Variants in RIMS1 observed in about 807,000 individuals in gnomAD.
The protein encoded by RIMS1 is regulating synaptic membrane exocytosis protein 1.
A neutral mutation model predicts 214.1 loss-of-function variants in RIMS1; 83 were observed. The ratio of observed to expected loss-of-function variants is 0.39; its 90% CI spans 0.32 to 0.47. The LOEUF is 0.47. RIMS1 is among the 20% of genes least tolerant of loss of function. The pLI is 0.99. For missense variants in RIMS1, 2,050 were observed against 2,161.8 expected (o/e 0.95, Z 1.03); for synonymous variants, 793 against 786.8 (o/e 1.01, Z -0.13).
At chr6:71,905,079 G>A (rs1774851633) in intron 1 of RIMS1, among the ~76,000 whole-genome samples, 1 of 152,054 alleles carries the variant, frequency 6.6e-6, no homozygotes, top group African/African-American at 2.4e-5. Flanking sequence ...TATGGTCTTT[G>A]GAAAATTCCC....
At chr6:72,380,263 G>A (rs893456587) in intron 29 of RIMS1, among the ~76,000 whole-genome samples, 5 of 152,150 alleles carry the variant, frequency 3.3e-5, no homozygotes, top group African/African-American at 1.2e-4. Flanking sequence ...GGAAGGATGG[G>A]GGAGGGATAG....
intron 29 of RIMS1, among the ~76,000 whole-genome samples, chr6:72,351,076 C>A (rs11757507): frequency 0.19 from 29,040 of 151,804 alleles, 3,410 homozygotes; most frequent in Middle Eastern, 0.27. Context: ...ATAAACATTT[C>A]ATATTTATAT....
intron 29 of RIMS1, among the ~76,000 whole-genome samples, chr6:72,358,842 C>T (rs1429563463): frequency 6.6e-6 from 1 of 152,112 alleles, no homozygotes; most frequent in Non-Finnish European, 1.5e-5. Flanking sequence ...CATCAGGCTC[C>T]AGCTAACTAC....
At chr6:72,125,266 T>C (rs903175619) in intron 4 of RIMS1, among the ~76,000 whole-genome samples, 1 of 152,204 alleles carries the variant, frequency 6.6e-6, no homozygotes, top group African/African-American at 2.4e-5. Context: ...TGGAGTTTGC[T>C]GGCAGTCCAT....
At chr6:72,295,397 G>A (rs2093959975) in intron 26 of RIMS1, among the ~76,000 whole-genome samples, 1 of 151,734 alleles carries the variant, frequency 6.6e-6, no homozygotes, top group African/African-American at 2.4e-5. Context: ...TGTGGAAAAT[G>A]TTACAGAATA....
chr6:72,242,078 T>C lies in RIMS1; in HGVS notation c.1958-236T>C, dbSNP rs559788701. Among the ~76,000 whole-genome samples the C allele has an allele frequency of 3.3e-5, 5 of 152,188 alleles. No individual in the cohort carries two copies. In the East Asian group the frequency reaches 9.7e-4, roughly 29 times the overall value. ...AGATAAAGGTAGTTTTGTATTGTAC[T>C]GTTTCCAGTCACCAGTAATATTCTG... On this transcript the variant is annotated intron_variant, in intron 9 of 33. Coordinates refer to ENST00000521978, the MANE Select transcript of RIMS1 (RefSeq NM_014989.7).
chr6:72,109,452 T>A (rs866580115), intron 4 of RIMS1, among the ~76,000 whole-genome samples: 1 of 152,124 alleles, frequency 6.6e-6, no homozygotes, highest in African/African-American at 2.4e-5. Flanking sequence ...TGATGGCCAG[T>A]GATGGTGGGC....
chr6:72,216,475 C>T, intron 6 of RIMS1: 1 of 985,444 alleles, frequency 1.0e-6, no homozygotes, highest in Non-Finnish European at 1.2e-6. Flanking sequence ...TGCCTGTGTT[C>T]CCAACAATCA....
Position 72,203,782 on chromosome 6 carries a change from T to A in RIMS1, c.1678+20633T>A, listed in dbSNP as rs142128575. On this transcript the variant is annotated intron_variant, in intron 6 of 33. Transcript: ENST00000521978. ...GTTGCAATCACTTGAGGGAGGAGAT[T>A]TTTGAAAAACCTGCTAGTATTCAGG... Among the ~76,000 whole-genome samples, 25 of 152,254 alleles carry A rather than the reference T, an allele frequency of 1.6e-4. No homozygotes were observed. In the East Asian group the frequency reaches 4.3e-3, roughly 26 times the overall value.
chr6:72,237,254 G>A (rs1015515504), intron 8 of RIMS1, among the ~76,000 whole-genome samples: 6 of 151,078 alleles, frequency 4.0e-5, no homozygotes, highest in African/African-American at 1.5e-4. Flanking sequence ...GGAAGGAAGG[G>A]AGGGAGGGAG....
At chr6:72,101,316 C>G (rs922339833) in intron 4 of RIMS1, among the ~76,000 whole-genome samples, 4 of 151,894 alleles carry the variant, frequency 2.6e-5, no homozygotes, top group African/African-American at 7.2e-5. Flanking sequence ...TAATCACTTT[C>G]AATTATTTTC....
chr6:71,968,839 CT>C, intron 1 of RIMS1, 143 bp from the exon 2 acceptor site: 3 of 701,038 alleles, frequency 4.3e-6, no homozygotes, highest in Non-Finnish European at 7.3e-6. Flanking sequence ...ACTCCAAGGG[CT>C]TTGCTGGGGC....
At chr6:72,157,880 A>G (rs935756993) in intron 4 of RIMS1, among the ~76,000 whole-genome samples, 1 of 140,154 alleles carries the variant, frequency 7.1e-6, no homozygotes, top group Non-Finnish European at 1.6e-5. Flanking sequence ...TTTTCTTGCC[A>G]GCAATACACT....
chr6:71,909,760 T>C (rs1212636094), intron 1 of RIMS1, among the ~76,000 whole-genome samples: 1 of 152,150 alleles, frequency 6.6e-6, no homozygotes, highest in Non-Finnish European at 1.5e-5. Flanking sequence ...TGGTTTGTAA[T>C]TATTGATAAT....
At chr6:72,151,627 C>T (rs2043602473) in intron 4 of RIMS1, among the ~76,000 whole-genome samples, 2 of 152,098 alleles carry the variant, frequency 1.3e-5, no homozygotes, top group South Asian at 4.2e-4. Flanking sequence ...GGGCTCTTGT[C>T]ACTAATTCTT....
At chr6:72,330,879 A>G (rs1420938416) in intron 28 of RIMS1, among the ~76,000 whole-genome samples, 1 of 151,740 alleles carries the variant, frequency 6.6e-6, no homozygotes, top group East Asian at 1.9e-4. Flanking sequence ...TTATAATATT[A>G]TAGACTGTTT....
chr6:72,241,854 A>G (rs1232765098), intron 9 of RIMS1, among the ~76,000 whole-genome samples: 2 of 152,304 alleles, frequency 1.3e-5, no homozygotes, highest in Admixed American at 1.3e-4. Flanking sequence ...ATGCTAACAA[A>G]TATTAATTGC....
At chr6:72,138,624 A>G (rs1159540539) in intron 4 of RIMS1, among the ~76,000 whole-genome samples, 1 of 152,208 alleles carries the variant, frequency 6.6e-6, no homozygotes, top group Non-Finnish European at 1.5e-5. Flanking sequence ...GAGGCAAAAC[A>G]AAAACAACTA....
At chr6:71,928,998 G>T (rs1294067917) in intron 1 of RIMS1, among the ~76,000 whole-genome samples, 2 of 152,236 alleles carry the variant, frequency 1.3e-5, no homozygotes, top group Non-Finnish European at 2.9e-5. Flanking sequence ...TGCTCACATT[G>T]TGCTATTTTT....
Sources: gnomAD v4.1 joint callset for allele counts (sites outside exome capture counted in the v4.1 genomes callset) on GRCh38, gnomAD v4.1.1 for gene constraint, MANE v1.5 for transcripts, NCBI Gene and HGNC (gene_info 2026-07-23, HGNC 2026-07-21) for gene names.